TENM3: variants seen among roughly 807,000 people sequenced by gnomAD.
TENM3 encodes teneurin transmembrane protein 3.
A neutral mutation model predicts 255.1 loss-of-function variants in TENM3; 63 were observed. The observed-to-expected ratio is 0.25, with a 90% CI of 0.20 to 0.30. TENM3 has a LOEUF of 0.30. Among genes scored for constraint, TENM3 ranks in the 10% least tolerant of loss-of-function variants. The pLI is 1.00. For synonymous variants in TENM3, 1,306 were observed against 1,322.3 expected, an observed-to-expected ratio of 0.99 and a Z score of 0.27; for missense variants, 2,929 against 3,461.1, an observed-to-expected ratio of 0.85 and a Z score of 3.86.
At chr4:182,648,802 A>G (rs949268053) in intron 5 of TENM3, among the ~76,000 whole-genome samples, 1 of 152,058 alleles carries the variant, frequency 6.6e-6, no homozygotes, top group Non-Finnish European at 1.5e-5. Context: ...TGAACTTTAT[A>G]TACATGAACT....
chr4:182,207,789 TTTA>T (rs1754686897), intron 1 of TENM3, among the ~76,000 whole-genome samples: 1 of 152,216 alleles, frequency 6.6e-6, no homozygotes. Flanking sequence ...AAAACAGGAA[TTTA>T]TTATTGTCAT....
the TENM3 span, among the ~76,000 whole-genome samples, chr4:181,841,937 A>C: frequency 8.5e-5 from 13 of 152,170 alleles, no homozygotes; most frequent in Non-Finnish European, 1.8e-4. Flanking sequence ...ATCAACTCAA[A>C]GGGGAGTTTT....
At chr4:182,362,851 A>G (rs562102207) in intron 3 of TENM3, among the ~76,000 whole-genome samples, 98 of 152,294 alleles carry the variant, frequency 6.4e-4, no homozygotes, top group African/African-American at 2.1e-3. Context: ...AGCTGTTCCT[A>G]TTCGGCCATC....
chr4:181,546,478 G>A, the TENM3 span, among the ~76,000 whole-genome samples: 3 of 151,620 alleles, frequency 2.0e-5, no homozygotes, highest in African/African-American at 4.8e-5. Flanking sequence ...CACTTTGGGA[G>A]GCCGAGGCGG....
the TENM3 span, among the ~76,000 whole-genome samples, chr4:182,013,976 ACG>A: frequency 4.4e-5 from 5 of 114,462 alleles, no homozygotes; most frequent in African/African-American, 1.0e-4. Flanking sequence ...ACGTATATAT[ACG>A]TGTATATACG....
chr4:182,268,031 C>T (rs1281075632), intron 1 of TENM3, among the ~76,000 whole-genome samples: 1 of 152,288 alleles, frequency 6.6e-6, no homozygotes, highest in South Asian at 2.1e-4. Flanking sequence ...GATCAGTATT[C>T]TCATTCTGGG....
chr4:182,567,094 A>G (rs1478994809), intron 3 of TENM3, among the ~76,000 whole-genome samples: 1 of 152,234 alleles, frequency 6.6e-6, no homozygotes, highest in Non-Finnish European at 1.5e-5. Flanking sequence ...TAAAAGAGAC[A>G]TAATCTATGC....
At chr4:182,542,933 TTAAAGAGGTTTGTATGACTCAGC>T (rs1426254507) in intron 3 of TENM3, among the ~76,000 whole-genome samples, 2 of 152,120 alleles carry the variant, frequency 1.3e-5, no homozygotes, top group Non-Finnish European at 2.9e-5. Flanking sequence ...AACACACGGG[TTAAAGAGGTTTGTATGACTCAGC>T]TAAGATCATA....
chr4:181,744,079 G>A, the TENM3 span, among the ~76,000 whole-genome samples: 1 of 152,102 alleles, frequency 6.6e-6, no homozygotes, highest in South Asian at 2.1e-4. Context: ...GCGGCGTTTG[G>A]TTTTCTGTTC....
intron 9 of TENM3, 90 bp from the exon 10 acceptor site, chr4:182,680,453 G>T (rs1002018203): frequency 2.7e-6 from 4 of 1,490,982 alleles, no homozygotes; most frequent in Non-Finnish European, 3.7e-6. Context: ...GGGGAGACTG[G>T]CATATTGCTT....
the TENM3 span, among the ~76,000 whole-genome samples, chr4:181,639,653 T>C: frequency 6.6e-6 from 1 of 152,116 alleles, no homozygotes; most frequent in Non-Finnish European, 1.5e-5. Flanking sequence ...GGCCGGAGAA[T>C]CGCTTGAACC....
intron 1 of TENM3, among the ~76,000 whole-genome samples, chr4:182,319,433 G>C (rs903593568): frequency 6.6e-6 from 1 of 151,724 alleles, no homozygotes; most frequent in Admixed American, 6.6e-5. Context: ...CGAAGAGTTT[G>C]AACTATGTAC....
chr4:182,549,565 C>T (rs143765640), intron 3 of TENM3, among the ~76,000 whole-genome samples: 7 of 152,250 alleles, frequency 4.6e-5, no homozygotes, highest in Middle Eastern at 3.4e-3. Flanking sequence ...ATCTGAGGAC[C>T]GCAGAAGCAG....
intron 3 of TENM3, among the ~76,000 whole-genome samples, chr4:182,399,679 A>G (rs1769095340): frequency 6.6e-6 from 1 of 152,230 alleles, no homozygotes; most frequent in African/African-American, 2.4e-5. Context: ...CTGCTTGTTC[A>G]GTTTTTGTTA....
At chr4:181,555,849 C>T in the TENM3 span, among the ~76,000 whole-genome samples, 1 of 152,136 alleles carries the variant, frequency 6.6e-6, no homozygotes, top group Non-Finnish European at 1.5e-5. Flanking sequence ...ATACTATGGG[C>T]CAGAACTCAG....
chr4:181,632,059 T>C, the TENM3 span, among the ~76,000 whole-genome samples: 2 of 152,134 alleles, frequency 1.3e-5, no homozygotes, highest in East Asian at 3.9e-4. Flanking sequence ...GTGTGGTGTA[T>C]TAGTCTGTTT....
Position 182,773,562 on chromosome 4 carries a change from G to A in TENM3, c.4983G>A (p.Val1661=), listed in dbSNP as rs751474800. ...GGGACATGGACAAGGCTATCACAGT[G>A]GACATTGAGTCATCTAGCCGAGAAG... ...LHGDMDKAIT[V]DIESSSREED... is the part of the protein sequence containing the mutation. The change falls in exon 23 of 28, where the codon GTG becomes GTA. Residue 1661 remains valine, a synonymous_variant. Coordinates refer to ENST00000511685, the MANE Select transcript of TENM3 (RefSeq NM_001080477.4). 1 of 1,613,834 alleles carries A rather than the reference G, an allele frequency of 6.2e-7. No individual in the cohort carries two copies. The highest frequency in any genetic ancestry group is 8.5e-7 in the Non-Finnish European group (1 of 1,179,812).
intron 1 of TENM3, among the ~76,000 whole-genome samples, chr4:182,321,471 CA>C (rs1393327696): frequency 6.6e-6 from 1 of 151,906 alleles, no homozygotes; most frequent in Non-Finnish European, 1.5e-5. Context: ...ACTAAAAATA[CA>C]AAAATTAGCT....
chr4:182,531,376 T>G (rs1376667971), intron 3 of TENM3, among the ~76,000 whole-genome samples: 1 of 152,170 alleles, frequency 6.6e-6, no homozygotes. Flanking sequence ...GACATAACCC[T>G]TGCTCTGGAT....
Sources: allele counts gnomAD v4.1 joint callset (sites outside exome capture counted in the v4.1 genomes callset), GRCh38; gene constraint gnomAD v4.1.1; transcripts MANE v1.5; gene names NCBI Gene and HGNC (gene_info 2026-07-23, HGNC 2026-07-21).